Variants in PDE1A observed in about 807,000 individuals in gnomAD.
The protein encoded by PDE1A is dual specificity calcium/calmodulin-dependent 3',5'-cyclic nucleotide phosphodiesterase 1A.
A neutral mutation model predicts 61.7 loss-of-function variants in PDE1A; 35 were observed. That is an observed-to-expected ratio of 0.57 (90% CI 0.43 to 0.75). The LOEUF (loss-of-function observed/expected upper bound fraction) is 0.75, where lower values mean the gene tolerates loss of function less well. Among genes scored for constraint, PDE1A ranks in the 30% least tolerant of loss-of-function variants. The pLI is 0.00. For synonymous variants in PDE1A, 232 were observed against 213.2 expected (o/e 1.09, Z -0.77); for missense variants, 597 against 630.6 (o/e 0.95, Z 0.57).
At chr2:182,431,726 G>A (rs942711792), upstream of PDE1A, among the ~76,000 whole-genome samples, 1 of 151,992 alleles carries the variant, frequency 6.6e-6, no homozygotes, top group Non-Finnish European at 1.5e-5. Flanking sequence ...TCTCATTCCT[G>A]AGCCCAAGCT....
chr2:182,187,566 T>C (rs1685316286), intron 11 of PDE1A, among the ~76,000 whole-genome samples: 1 of 152,116 alleles, frequency 6.6e-6, no homozygotes, highest in South Asian at 2.1e-4. Flanking sequence ...GTCCATCAGA[T>C]GCTTGGATAA....
In PDE1A at chr2:182,241,013, T is replaced by C. The variant is rs2568666; in HGVS notation, c.168-721A>G. ...TGGCTGAGGAAATCAACCCAGTGAG[T>C]GAGGTAGTGAATAGGAACTGAAACA... is the stretch of plus-strand genomic sequence containing the variant. On this transcript the variant is annotated intron_variant, in intron 2 of 13. Coordinates refer to ENST00000351439, the Ensembl canonical transcript of PDE1A. Among the ~76,000 whole-genome samples, 604 of 151,910 alleles carry C rather than the reference T, an allele frequency of 4.0e-3. 7 individuals are homozygous for C. Among genetic ancestry groups the C allele is most frequent in the African/African-American group, 0.014 (587 of 41,434 alleles).
At chr2:182,446,237 A>G (rs1685123375) in intron 2 of PDE1A, among the ~76,000 whole-genome samples, 1 of 152,106 alleles carries the variant, frequency 6.6e-6, no homozygotes, top group Non-Finnish European at 1.5e-5. Flanking sequence ...AGCATGCATA[A>G]TTACCACATC....
At chr2:182,430,392 C>A (rs1256929069), upstream of PDE1A, among the ~76,000 whole-genome samples, 4 of 96,270 alleles carry the variant, frequency 4.2e-5, no homozygotes, top group Non-Finnish European at 8.4e-5. Context: ...AAATGCAAAT[C>A]AAAACCACTA....
intron 1 of PDE1A, among the ~76,000 whole-genome samples, chr2:182,317,573 C>A (rs1464674005): frequency 2.0e-5 from 3 of 152,126 alleles, no homozygotes; most frequent in South Asian, 2.1e-4. Flanking sequence ...ACAATGAGTG[C>A]TGCAACAAGG....
intron 1 of PDE1A, among the ~76,000 whole-genome samples, chr2:182,347,411 T>C (rs1402998790): frequency 1.3e-5 from 2 of 152,188 alleles, no homozygotes; most frequent in African/African-American, 4.8e-5. Context: ...ATTTGTGCTA[T>C]GTTTCTGTAT....
At chr2:182,295,941 G>T (rs1031183924) in intron 1 of PDE1A, among the ~76,000 whole-genome samples, 5 of 152,100 alleles carry the variant, frequency 3.3e-5, no homozygotes, top group African/African-American at 1.2e-4. Flanking sequence ...TACAGATGTG[G>T]CTTGCTAGAT....
At chr2:182,245,950 A>AAAGTT (rs1690914242) in intron 2 of PDE1A, among the ~76,000 whole-genome samples, 1 of 152,346 alleles carries the variant, frequency 6.6e-6, no homozygotes, top group Admixed American at 6.5e-5. Context: ...AATGAGCCAG[A>AAAGTT]GGCCAAGCTG....
the PDE1A span, among the ~76,000 whole-genome samples, chr2:182,626,838 CATATAT>C: frequency 1.0e-4 from 1 of 10,034 alleles, no homozygotes; most frequent in Non-Finnish European, 2.1e-4. Context: ...TATATATATA[CATATAT>C]ATACATATAT....
At chr2:182,337,787 G>C (rs1345750829) in intron 1 of PDE1A, among the ~76,000 whole-genome samples, 1 of 152,010 alleles carries the variant, frequency 6.6e-6, no homozygotes, top group African/African-American at 2.4e-5. Flanking sequence ...AAAGCAAAAT[G>C]ATCCTTTTCA....
intron 2 of PDE1A, among the ~76,000 whole-genome samples, chr2:182,521,326 A>C (rs1386078552): frequency 6.6e-6 from 1 of 152,040 alleles, no homozygotes; most frequent in African/African-American, 2.4e-5. Flanking sequence ...TCTATTTTGC[A>C]TAGTGTAGGA....
chr2:182,579,496 A>T, the PDE1A span, among the ~76,000 whole-genome samples: 11 of 152,240 alleles, frequency 7.2e-5, no homozygotes, highest in Non-Finnish European at 1.5e-4. Context: ...AAAAATTAGC[A>T]AGAAACACAG....
chr2:182,420,738 C>T (rs554047971), intron 1 of PDE1A, among the ~76,000 whole-genome samples: 1 of 152,284 alleles, frequency 6.6e-6, no homozygotes, highest in African/African-American at 2.4e-5. Context: ...TTCTACATAA[C>T]AAAACGTAAG....
intron 1 of PDE1A, among the ~76,000 whole-genome samples, chr2:182,370,476 A>G (rs1700070793): frequency 6.6e-6 from 1 of 152,190 alleles, no homozygotes; most frequent in Non-Finnish European, 1.5e-5. Flanking sequence ...CTGAACTTTT[A>G]TTTAAGGATG....
chr2:182,413,543 A>T (rs80175155), intron 1 of PDE1A, among the ~76,000 whole-genome samples: 1 of 152,194 alleles, frequency 6.6e-6, no homozygotes, highest in Non-Finnish European at 1.5e-5. Context: ...GAGGATTAAA[A>T]GTACAGGGAA....
intron 2 of PDE1A, among the ~76,000 whole-genome samples, chr2:182,451,473 C>T (rs1168988368): frequency 6.6e-6 from 1 of 151,960 alleles, no homozygotes; most frequent in African/African-American, 2.4e-5. Flanking sequence ...ACGCACACTC[C>T]CCAGATCTAT....
the PDE1A span, among the ~76,000 whole-genome samples, chr2:182,626,794 TATATATAC>T: frequency 1.5e-3 from 54 of 34,840 alleles, 5 homozygotes; most frequent in Non-Finnish European, 2.2e-3. Context: ...TATATATACA[TATATATAC>T]ATATATATAT....
chr2:182,453,257 T>C (rs1355520301), intron 2 of PDE1A, among the ~76,000 whole-genome samples: 1 of 152,040 alleles, frequency 6.6e-6, no homozygotes, highest in Non-Finnish European at 1.5e-5. Context: ...TAGTCATTCA[T>C]TATGAAGCTG....
chr2:182,531,221 A>AT, the PDE1A span, among the ~76,000 whole-genome samples: 1 of 152,084 alleles, frequency 6.6e-6, no homozygotes, highest in South Asian at 2.1e-4. Context: ...GAAAGAAAAC[A>AT]GAAACAAAAA....
Sources: allele counts gnomAD v4.1 joint callset (sites outside exome capture counted in the v4.1 genomes callset), GRCh38; gene constraint gnomAD v4.1.1; transcripts MANE v1.5; gene names NCBI Gene and HGNC (gene_info 2026-07-23, HGNC 2026-07-21).